The following HIVEP1 variants were observed in gnomAD, a reference collection of about 807,000 sequenced individuals.
HIVEP1 encodes the protein HIVEP zinc finger 1.
Under a neutral mutation model 180.0 loss-of-function variants are expected in HIVEP1, and 36 were observed. The ratio of observed to expected loss-of-function variants is 0.20; its 90% CI spans 0.15 to 0.26. The LOEUF (loss-of-function observed/expected upper bound fraction) is 0.26, where lower values mean the gene tolerates loss of function less well. Ranked by LOEUF, HIVEP1 falls within the 10% of genes least tolerant of loss-of-function variation. The pLI, the probability that HIVEP1 is intolerant of heterozygous loss-of-function variation, is 1.00. For missense variants in HIVEP1, 3,143 were observed against 3,268.7 expected, an observed-to-expected ratio of 0.96 and a Z score of 0.94; for synonymous variants, 1,239 against 1,239.0, an observed-to-expected ratio of 1.00 and a Z score of 0.00.
chr6:12,012,428 A>C lies in HIVEP1; in HGVS notation c.-242A>C, dbSNP rs912849353. 1 of 148,300 alleles carries C rather than the reference A, an allele frequency of 6.7e-6. No individual in the cohort carries two copies. The highest frequency in any genetic ancestry group is 1.5e-5 in the Non-Finnish European group (1 of 66,644). 9.2% of individuals were successfully genotyped at this position (148,300 alleles called of 1,614,324 possible). The stretch of plus-strand genomic sequence containing the variant: ...GTTATGTTTGTGTTTGGGGTTGTCA[A>C]GTGAAGGAGGGATCCCAGGCGCCGC... On this transcript the variant is annotated 5_prime_UTR_variant, in exon 1 of 9. Coordinates refer to ENST00000379388, the MANE Select transcript of HIVEP1 (RefSeq NM_002114.4).
intron 2 of HIVEP1, among the ~76,000 whole-genome samples, chr6:12,057,897 TTAGAG>T (rs2113741666): frequency 6.6e-6 from 1 of 152,326 alleles, no homozygotes; most frequent in South Asian, 2.1e-4. Context: ...GGAAGAACGT[TTAGAG>T]TAGCACTCGG....
intron 3 of HIVEP1, among the ~76,000 whole-genome samples, chr6:12,094,242 T>C (rs549121317): frequency 1.3e-5 from 2 of 152,024 alleles, no homozygotes; most frequent in Non-Finnish European, 2.9e-5. Context: ...ATTATGAAAA[T>C]TGTCTGCTGG....
rs1318350484 is a variant in HIVEP1 at position 12,108,575 on chromosome 6, G to A, written c.95-11315G>A. 2.6e-5 allele frequency among the ~76,000 whole-genome samples: 4 copies of A among 152,362 alleles called. No individual in the cohort carries two copies. The South Asian group carries it at 6.2e-4, about 24-fold the overall frequency. ...TGCCCGGCGAGAAATCGAGCGCAGC[G>A]CTGGTGGGCTGGCACTGCTGGGGGA... On this transcript the variant is annotated intron_variant, in intron 3 of 8. Coordinates refer to ENST00000379388, the MANE Select transcript of HIVEP1 (RefSeq NM_002114.4).
At chr6:12,174,343 C>T in the HIVEP1 span, among the ~76,000 whole-genome samples, 34 of 151,298 alleles carry the variant, frequency 2.2e-4, no homozygotes, top group Non-Finnish European at 4.7e-4. Context: ...TAAATCAGAC[C>T]CAAATTATTA....
the HIVEP1 span, among the ~76,000 whole-genome samples, chr6:12,192,158 T>C: frequency 6.6e-6 from 1 of 152,238 alleles, no homozygotes; most frequent in Non-Finnish European, 1.5e-5. Context: ...ATCCAAAAGA[T>C]AATCTACATC....
chr6:12,055,134 T>C (rs1195480999), intron 2 of HIVEP1, among the ~76,000 whole-genome samples: 1 of 152,246 alleles, frequency 6.6e-6, no homozygotes, highest in African/African-American at 2.4e-5. Flanking sequence ...AGTTATAGTA[T>C]GTTTTTAGAA....
rs958804688 is a variant in HIVEP1, at chr6:12,063,929, A to C, written c.41-25255A>C. Among the ~76,000 whole-genome samples the C allele has an allele frequency of 6.6e-6, 1 of 152,118 alleles. No homozygotes were observed. Among genetic ancestry groups the C allele is most frequent in the African/African-American group, 2.4e-5 (1 of 41,418 alleles). On this transcript the variant is annotated intron_variant, in intron 2 of 8. Coordinates refer to ENST00000379388, the MANE Select transcript of HIVEP1 (RefSeq NM_002114.4). The surrounding 1 kb of genome is among the most constrained non-coding windows in gnomAD (Gnocchi z 4.2). ...CTGCCAAGTGACTCCCATATTTAAA[A>C]CTTCCATGATTTGCCTTGGTTTGAA...
intron 2 of HIVEP1, chr6:12,020,494 C>T (rs1768115760): frequency 2.1e-6 from 1 of 468,980 alleles, no homozygotes. Context: ...GAGGGGTTAT[C>T]TCCACCACCT....
chr6:12,114,631 C>T (rs546828293), intron 3 of HIVEP1, among the ~76,000 whole-genome samples: 8 of 152,158 alleles, frequency 5.3e-5, no homozygotes, highest in Admixed American at 1.3e-4. Context: ...AGAATGTGCA[C>T]GTACACTTAA....
At chr6:12,021,388 T>C (rs1768197468) in intron 2 of HIVEP1, among the ~76,000 whole-genome samples, 1 of 152,196 alleles carries the variant, frequency 6.6e-6, no homozygotes, top group Non-Finnish European at 1.5e-5. Flanking sequence ...TCTTCTCCTT[T>C]TCCATTTCTA....
chr6:12,063,260 T>G lies in HIVEP1; in HGVS notation c.41-25924T>G, dbSNP rs1333299999. Among the ~76,000 whole-genome samples the G allele has an allele frequency of 1.3e-5, 2 of 152,172 alleles. No homozygotes were observed. Among genetic ancestry groups the G allele is most frequent in the Non-Finnish European group, 1.5e-5 (1 of 68,032 alleles). ...TTATGATTTGGCCTAGATAATTCTT[T>G]GTCTTGGGCACTGTCCTGTGTGTCA... On this transcript the variant is annotated intron_variant, in intron 2 of 8. Coordinates refer to ENST00000379388, the MANE Select transcript of HIVEP1 (RefSeq NM_002114.4). This position sits in a 1 kb window ranked among gnomAD's most constrained non-coding sequence, Gnocchi z 4.2.
chr6:12,032,994 T>C (rs945491196), intron 2 of HIVEP1, among the ~76,000 whole-genome samples: 2 of 152,234 alleles, frequency 1.3e-5, no homozygotes, highest in Non-Finnish European at 2.9e-5. Flanking sequence ...ACTTCACTGT[T>C]ATTTTACGGT....
intron 2 of HIVEP1, among the ~76,000 whole-genome samples, chr6:12,046,008 A>G (rs1415296671): frequency 1.3e-5 from 2 of 152,266 alleles, no homozygotes; most frequent in African/African-American, 2.4e-5. Flanking sequence ...AATGTTAAGT[A>G]TCTTCTTTGA....
chr6:12,182,754 C>T, the HIVEP1 span, among the ~76,000 whole-genome samples: 1 of 152,076 alleles, frequency 6.6e-6, no homozygotes, highest in Non-Finnish European at 1.5e-5. Flanking sequence ...AAGAGTCTTG[C>T]GAGGAAGATC....
the HIVEP1 span, among the ~76,000 whole-genome samples, chr6:12,170,826 C>A: frequency 6.6e-6 from 1 of 151,954 alleles, no homozygotes; most frequent in Non-Finnish European, 1.5e-5. Context: ...TAATAACTTA[C>A]GGGAGAGTGA....
rs765621430 is a variant in HIVEP1, at chr6:12,163,820, A to G, written c.7516A>G (p.Met2506Val). Reference sequence around the variant, plus strand: ...TATTGTAGGCCTAGCCAATACAAATATGGCCCCACAAGTCCATCCACCAGG... The same window carrying G: ...TATTGTAGGCCTAGCCAATACAAATGTGGCCCCACAAGTCCATCCACCAGG... ...VNIVGLANTN[M>V]APQVHPPGLA... The change falls in exon 9 of 9, where the codon ATG (methionine) becomes GTG (valine). Residue 2506 changes from methionine to valine, a missense_variant. By Grantham distance (21) the Met-to-Val change is conservative. Coordinates refer to ENST00000379388, the MANE Select transcript of HIVEP1 (RefSeq NM_002114.4). 7.7e-5 allele frequency: 125 copies of G among 1,614,070 alleles called. No homozygotes were observed. The East Asian group carries it at 2.6e-3, about 33-fold the overall frequency.
chr6:12,090,808 G>A lies in HIVEP1; in HGVS notation c.94+1571G>A, dbSNP rs576177006. Among the ~76,000 whole-genome samples the A allele has an allele frequency of 3.5e-5, 5 of 141,620 alleles. No individual in the cohort carries two copies. The South Asian group carries it at 1.2e-3, about 33-fold the overall frequency. The allele number at this position is 141,620 out of a possible 152,430, so 92.9% of individuals were successfully genotyped here. A position where few individuals can be genotyped will look rare whatever the true frequency, so the allele number is the denominator to read the frequency against. ...GCTTCTAGTAGCAAAGCAAATGTGA[G>A]CCTGTCTTCCTTTTCCTTGTTACTT... is the stretch of plus-strand genomic sequence containing the variant. On this transcript the variant is annotated intron_variant, in intron 3 of 8. Coordinates refer to ENST00000379388, the MANE Select transcript of HIVEP1 (RefSeq NM_002114.4).
At chr6:12,204,857 A>G in the HIVEP1 span, among the ~76,000 whole-genome samples, 1 of 152,218 alleles carries the variant, frequency 6.6e-6, no homozygotes, top group African/African-American at 2.4e-5. Context: ...ATATGTAAGC[A>G]AACAATAAAC....
At chr6:12,132,282 T>A (rs183417473) in intron 6 of HIVEP1, among the ~76,000 whole-genome samples, 1 of 152,264 alleles carries the variant, frequency 6.6e-6, no homozygotes, top group Non-Finnish European at 1.5e-5. Context: ...GATCCTATGA[T>A]TAAGAAACAT....
Sources: gnomAD v4.1 joint callset for allele counts (sites outside exome capture counted in the v4.1 genomes callset) on GRCh38, gnomAD v4.1.1 for gene constraint, Gnocchi (gnomAD v3.1) non-coding constraint, MANE v1.5 for transcripts, NCBI Gene and HGNC (gene_info 2026-07-23, HGNC 2026-07-21) for gene names.